DUOX1: variants seen among roughly 807,000 people sequenced by gnomAD.
DUOX1 encodes NADPH thyroid oxidase 1.
A neutral mutation model predicts 181.8 loss-of-function variants in DUOX1; 134 were observed. That is an observed-to-expected ratio of 0.74 (90% CI 0.64 to 0.85). The LOEUF is 0.85. Among genes scored for constraint, DUOX1 ranks in the 40% least tolerant of loss-of-function variants. The pLI is 0.00. For synonymous variants in DUOX1, 798 were observed against 832.5 expected (o/e 0.96, Z 0.71); for missense variants, 1,814 against 2,064.4 (o/e 0.88, Z 2.35).
chr15:45,152,150 T>C, intron 24 of DUOX1, 98 bp downstream of exon 24: 1 of 1,502,020 alleles, frequency 6.7e-7, no homozygotes, highest in African/African-American at 1.4e-5. Flanking sequence ...CTGGGTAGGG[T>C]AAGTGGAGCC....
chr15:45,134,143 A>C lies in DUOX1; in HGVS notation c.143-2A>C. On this transcript the variant is annotated splice_acceptor_variant, in intron 3 of 33. Coordinates refer to ENST00000389037, the MANE Select transcript of DUOX1 (RefSeq NM_175940.3). LOFTEE classifies it high-confidence loss of function. Reference sequence around the variant, plus strand: ...TCCTTATCCTTACCCCTCCTACCCCAGGCTCCCGGCTGCAGCGCCTGGTCC... The same window carrying C: ...TCCTTATCCTTACCCCTCCTACCCCCGGCTCCCGGCTGCAGCGCCTGGTCC... 1 of 1,550,382 alleles carries C rather than the reference A, an allele frequency of 6.5e-7. No homozygotes were observed. Among genetic ancestry groups the C allele is most frequent in the Non-Finnish European group, 8.7e-7 (1 of 1,153,682 alleles).
chr15:45,153,711 T>C, intron 26 of DUOX1: 2 of 640,494 alleles, frequency 3.1e-6, no homozygotes, highest in Admixed American at 2.5e-5. Context: ...AAGGGTCCCA[T>C]CTGGAATTCC....
intron 31 of DUOX1, among the ~76,000 whole-genome samples, chr15:45,162,841 C>T (rs1468216526): frequency 6.6e-6 from 1 of 152,000 alleles, no homozygotes; most frequent in East Asian, 1.9e-4. Context: ...GCCAGGTTGG[C>T]CCCAGGAACA....
At chr15:45,149,553 G>C (rs960372764) in intron 21 of DUOX1, among the ~76,000 whole-genome samples, 1 of 152,138 alleles carries the variant, frequency 6.6e-6, no homozygotes, top group Non-Finnish European at 1.5e-5. Context: ...TAAAACTAAA[G>C]AAAAGGAACA....
chr15:45,149,436 A>G (rs1344215199), intron 21 of DUOX1, among the ~76,000 whole-genome samples: 2 of 152,210 alleles, frequency 1.3e-5, no homozygotes, highest in South Asian at 2.1e-4. Context: ...GGGACATCCA[A>G]CACCTGGGGT....
intron 29 of DUOX1, among the ~76,000 whole-genome samples, chr15:45,161,440 AG>A (rs1304257950): frequency 3.5e-3 from 359 of 102,842 alleles, no homozygotes; most frequent in African/African-American, 0.011. Context: ...AAAAAAAAAA[AG>A]GAAGGAGGGA....
chr15:45,131,101 G>A (rs1896125325), intron 1 of DUOX1, among the ~76,000 whole-genome samples: 1 of 152,168 alleles, frequency 6.6e-6, no homozygotes, highest in Admixed American at 6.5e-5. Flanking sequence ...TTTGGCTGGG[G>A]ATGAGGCTTT....
Position 45,135,223 on chromosome 15 carries a change from GT to G in DUOX1, c.428del (p.Val143GlyfsTer27). On this transcript the variant is annotated frameshift_variant, in exon 5 of 34. Coordinates refer to ENST00000389037, the MANE Select transcript of DUOX1 (RefSeq NM_175940.3). LOFTEE classifies it high-confidence loss of function. ...MFDPDQRGDV[V>X]LPFQRSRWDP... ...CGACCCCGACCAGCGCGGGGACGTGGTGCTGCCCTTCCAGAGAAGCCGCTGG... is the reference window on the plus strand; with the variant it reads ...CGACCCCGACCAGCGCGGGGACGTGGGCTGCCCTTCCAGAGAAGCCGCTGG... The G allele has an allele frequency of 6.2e-7, 1 of 1,613,554 alleles. No homozygotes were observed. The highest frequency in any genetic ancestry group is 8.5e-7 in the Non-Finnish European group (1 of 1,180,004).
chr15:45,162,754 T>C (rs1897140075), intron 31 of DUOX1, among the ~76,000 whole-genome samples: 1 of 152,130 alleles, frequency 6.6e-6, no homozygotes, highest in Admixed American at 6.5e-5. Flanking sequence ...GGGAAGGGCA[T>C]GTTGGGTGGA....
Position 45,153,433 on chromosome 15 carries a change from C to T in DUOX1, c.3478C>T (p.Leu1160Phe). The change falls in exon 26 of 34, where the codon CTC becomes TTC. Residue 1160 changes from leucine to phenylalanine, a missense_variant. By Grantham distance (22) the Leu-to-Phe change is conservative. Transcript: ENST00000389037. Reference sequence around the variant, plus strand: ...TGTGTACCTGTTCTCCATCAGCCCCCTCAGCGTCCTCTCTTGCCTCTTTCC... The same window carrying T: ...TGTGTACCTGTTCTCCATCAGCCCCTTCAGCGTCCTCTCTTGCCTCTTTCC... Reference protein sequence around the residue: ...VNVYLFSISPLSVLSCLFPGL... With the variant: ...VNVYLFSISPFSVLSCLFPGL... 2 of 1,613,802 alleles carry T rather than the reference C, an allele frequency of 1.2e-6. No homozygotes were observed. The highest frequency in any genetic ancestry group is 1.7e-6 in the Non-Finnish European group (2 of 1,179,970).
Position 45,135,555 on chromosome 15 carries a change from T to C in DUOX1, c.577T>C (p.Ser193Pro). Reference protein sequence around the residue: ...HSWSDALRSFSRGQLASGPDP... With the variant: ...HSWSDALRSFPRGQLASGPDP... ...CTGGAGCGACGCGCTGCGGAGCTTC[T>C]CCAGGGGACAGCTGGCGTCGGGGCC... is the stretch of plus-strand genomic sequence containing the variant. The change falls in exon 6 of 34, where the codon TCC (serine) becomes CCC (proline). Residue 193 changes from serine to proline, a missense_variant. This residue lies in a region of DUOX1 where 320 missense variants were observed against 313.1 expected (regional missense o/e 1.02). Transcript: ENST00000389037. 6.4e-7 allele frequency: 1 copy of C among 1,559,786 alleles called. No homozygotes were observed. The highest frequency in any genetic ancestry group is 1.2e-5 in the South Asian group (1 of 84,910).
chr15:45,136,611 T>C lies in DUOX1; in HGVS notation c.1008T>C (p.Pro336=). The change falls in exon 9 of 34, where the codon CCT becomes CCC. Residue 336 remains proline, a synonymous_variant. Coordinates refer to ENST00000389037, the MANE Select transcript of DUOX1 (RefSeq NM_175940.3). ...SEQFLSTMVP[P]GVYMRNASCH... ...AGTTCCTGTCCACCATGGTGCCCCC[T>C]GGCGTCTACATGAGGTGAGGGAGGG... The C allele has an allele frequency of 6.2e-7, 1 of 1,614,026 alleles. No individual in the cohort carries two copies. The highest frequency in any genetic ancestry group is 8.5e-7 in the Non-Finnish European group (1 of 1,179,994).
rs780699544 is a variant in DUOX1 at position 45,144,032 on chromosome 15, C to A, written c.1937-4C>A. 1 of 1,613,770 alleles carries A rather than the reference C, an allele frequency of 6.2e-7. No individual in the cohort carries two copies. Among genetic ancestry groups the A allele is most frequent in the Admixed American group, 1.7e-5 (1 of 60,030 alleles). ...CTGACGAAGCCCTGTCTCTCTCCCC[C>A]TAGCTTTGGAATGGCAAGGCCACAA... On this transcript the variant is annotated splice_polypyrimidine_tract_variant and splice_region_variant and intron_variant, in intron 16 of 33. Coordinates refer to ENST00000389037, the MANE Select transcript of DUOX1 (RefSeq NM_175940.3).
Position 45,162,344 on chromosome 15 carries a change from G to A in DUOX1, c.4215G>A (p.Lys1405=). The A allele has an allele frequency of 1.9e-6, 3 of 1,614,112 alleles. No homozygotes were observed. The highest frequency in any genetic ancestry group is 2.5e-6 in the Non-Finnish European group (3 of 1,180,008). ...CCATCCTCAAAGACCTGGTCTTCAA[G>A]TCATCCGTCAGCTGCCAAGTGTTCT... ...FASILKDLVF[K]SSVSCQVFCK... is the part of the protein sequence containing the mutation. Residue 1405 remains lysine (K), a synonymous_variant, in exon 31 of 34, where the codon AAG becomes AAA. Coordinates refer to ENST00000389037, the MANE Select transcript of DUOX1 (RefSeq NM_175940.3).
chr15:45,130,783 T>G (rs1376736695), intron 1 of DUOX1, among the ~76,000 whole-genome samples: 1 of 152,190 alleles, frequency 6.6e-6, no homozygotes, highest in African/African-American at 2.4e-5. Flanking sequence ...GAGTGGTACA[T>G]TAGCGTTGAG....
At chr15:45,134,012 G>C in intron 3 of DUOX1, 65 bp downstream of exon 3, 1 of 1,590,086 alleles carries the variant, frequency 6.3e-7, no homozygotes, top group African/African-American at 1.3e-5. Context: ...TGCGGGGCAA[G>C]AGCTGGCAAG....
intron 25 of DUOX1, 41 bp downstream of exon 25, chr15:45,152,557 C>T (rs1290167833): frequency 2.6e-6 from 4 of 1,567,758 alleles, no homozygotes; most frequent in East Asian, 2.2e-5. Flanking sequence ...CAGGGCCTCC[C>T]GCCCCCGCTG....
intron 28 of DUOX1, 122 bp from the exon 29 acceptor site, chr15:45,160,715 T>G (rs1234953330): frequency 5.4e-6 from 7 of 1,288,866 alleles, no homozygotes; most frequent in Non-Finnish European, 6.4e-6. Flanking sequence ...AGGAGCATGG[T>G]ACGTGGTGAG....
intron 2 of DUOX1, 118 bp downstream of exon 2, chr15:45,132,142 C>A: frequency 2.3e-6 from 2 of 868,084 alleles, no homozygotes; most frequent in Non-Finnish European, 3.5e-6. Flanking sequence ...CTAGCTGACA[C>A]AGTGCCCTGC....
Sources: allele counts gnomAD v4.1 joint callset (sites outside exome capture counted in the v4.1 genomes callset), GRCh38; gene constraint gnomAD v4.1.1; regional missense constraint gnomAD v4.1.1; transcripts MANE v1.5; gene names NCBI Gene and HGNC (gene_info 2026-07-23, HGNC 2026-07-21).